Variants in KIF5A observed in about 807,000 individuals in gnomAD.
The protein encoded by KIF5A is kinesin family member 5A.
Under a neutral mutation model 141.3 loss-of-function variants are expected in KIF5A, and 35 were observed. The ratio of observed to expected loss-of-function variants is 0.25; its 90% CI spans 0.19 to 0.33. KIF5A has a LOEUF of 0.33. Ranked by LOEUF, KIF5A falls within the 10% of genes least tolerant of loss-of-function variation. KIF5A has a pLI of 1.00. For synonymous variants in KIF5A, 448 were observed against 500.2 expected (o/e 0.90, Z 1.39); for missense variants, 861 against 1,314.3 (o/e 0.66, Z 5.33).
chr12:57,561,441 G>T (rs368395675), intron 1 of KIF5A, among the ~76,000 whole-genome samples: 2 of 152,008 alleles, frequency 1.3e-5, no homozygotes, highest in Non-Finnish European at 2.9e-5. Flanking sequence ...CTCCAGAAAG[G>T]TTCTATCAGT....
chr12:57,570,445 C>A (rs1882215853), intron 12 of KIF5A, among the ~76,000 whole-genome samples: 1 of 152,114 alleles, frequency 6.6e-6, no homozygotes, highest in South Asian at 2.1e-4. Flanking sequence ...GTCGCCCAGG[C>A]TAGAGTGCAG....
chr12:57,571,991 C>T (rs1050171933), intron 13 of KIF5A, 70 bp from the exon 14 acceptor site: 8 of 1,385,130 alleles, frequency 5.8e-6, no homozygotes, highest in Admixed American at 1.9e-5. Flanking sequence ...GGCTCAGCTT[C>T]CCAGACCCAA....
chr12:57,578,553 C>T (rs1357248901), intron 23 of KIF5A, among the ~76,000 whole-genome samples: 1 of 152,212 alleles, frequency 6.6e-6, no homozygotes, highest in African/African-American at 2.4e-5. Flanking sequence ...CTCAAAGTTT[C>T]TAACCCACCT....
At chr12:57,576,521 G>A (rs1882431392) in intron 19 of KIF5A, 143 bp downstream of exon 19, 1 of 746,486 alleles carries the variant, frequency 1.3e-6, no homozygotes, top group Admixed American at 2.0e-5. Flanking sequence ...CCCCACCTCA[G>A]GAGACACATG....
Position 57,558,783 on chromosome 12 carries a change from T to C in KIF5A, c.130-4656T>C, listed in dbSNP as rs183510577. On this transcript the variant is annotated intron_variant, in intron 1 of 28. Coordinates refer to ENST00000455537, the MANE Select transcript of KIF5A (RefSeq NM_004984.4). The stretch of plus-strand genomic sequence containing the variant: ...TTTATCTCATTCTTTTTTGGTTTTG[T>C]TTTGTTTTTCAAGACAGGGTCTCAC... Among the ~76,000 whole-genome samples the C allele has an allele frequency of 6.6e-5, 10 of 152,342 alleles. No individual in the cohort carries two copies. In the East Asian group the frequency reaches 1.7e-3, roughly 26 times the overall value.
At chr12:57,562,909 T>C (rs2140158378) in intron 1 of KIF5A, among the ~76,000 whole-genome samples, 1 of 152,204 alleles carries the variant, frequency 6.6e-6, no homozygotes, top group East Asian at 1.9e-4. Flanking sequence ...TAAGATCCCC[T>C]AACACAATCT....
chr12:57,578,472 T>C, intron 23 of KIF5A, 130 bp downstream of exon 23: 1 of 709,252 alleles, frequency 1.4e-6, no homozygotes, highest in Admixed American at 2.0e-5. Context: ...TTACTTTCCC[T>C]ACTAATCCCT....
At chr12:57,566,019 A>G (rs1882053797) in intron 6 of KIF5A, among the ~76,000 whole-genome samples, 1 of 151,688 alleles carries the variant, frequency 6.6e-6, no homozygotes, top group African/African-American at 2.4e-5. Flanking sequence ...GAATTGCTTG[A>G]GCTCAAGAGT....
chr12:57,582,961 G>C (rs1882651704), intron 27 of KIF5A, 140 bp from the exon 28 acceptor site: 4 of 761,442 alleles, frequency 5.3e-6, no homozygotes, highest in Non-Finnish European at 9.1e-6. Context: ...CTCTGGCCTT[G>C]AGTTTCCCTG....
rs1263271069 is a variant in KIF5A, at chr12:57,581,577, C to T, written c.2909+9C>T. 1 of 1,613,836 alleles carries T rather than the reference C, an allele frequency of 6.2e-7. No individual in the cohort carries two copies. The highest frequency in any genetic ancestry group is 8.5e-7 in the Non-Finnish European group (1 of 1,180,002). On this transcript the variant is annotated intron_variant, in intron 25 of 28. Coordinates refer to ENST00000455537, the MANE Select transcript of KIF5A (RefSeq NM_004984.4). ...TCCACCTCAGATATGTAGTGAGTGA[C>T]CACACGTGTGGGTTGGAGTCCCACC...
chr12:57,567,381 C>A, intron 7 of KIF5A, 113 bp from the exon 8 acceptor site: 1 of 1,344,428 alleles, frequency 7.4e-7, no homozygotes, highest in Non-Finnish European at 1.0e-6. Flanking sequence ...CAGGGCTAGT[C>A]CTGGTGGGCA....
intron 1 of KIF5A, among the ~76,000 whole-genome samples, chr12:57,561,973 T>C (rs1488706662): frequency 1.3e-5 from 2 of 152,214 alleles, no homozygotes; most frequent in Non-Finnish European, 2.9e-5. Context: ...TACATTTCGA[T>C]TGGATAAAGA....
Position 57,581,448 on chromosome 12 carries a change from C to T in KIF5A, c.2789C>T (p.Ser930Phe). ...GTCCGGCCTGGCCACTACCCAGCAT[C>T]CTCACCCACCAACCCCTATGGCACC... is the stretch of plus-strand genomic sequence containing the variant. The part of the protein sequence containing the change: ...KPVRPGHYPA[S>F]SPTNPYGTRS... The change falls in exon 25 of 29, where the codon TCC (serine) becomes TTC (phenylalanine). Residue 930 changes from serine to phenylalanine, a missense_variant. Around this residue, in one of 5 missense-constraint regions of KIF5A, gnomAD observed 482 missense variants for 661.3 expected, o/e 0.73. Coordinates refer to ENST00000455537, the MANE Select transcript of KIF5A (RefSeq NM_004984.4). The T allele has an allele frequency of 1.9e-6, 3 of 1,614,070 alleles. No homozygotes were observed. The highest frequency in any genetic ancestry group is 2.2e-5 in the South Asian group (2 of 91,076).
intron 20 of KIF5A, 127 bp downstream of exon 20, chr12:57,576,989 G>C: frequency 5.7e-6 from 4 of 699,390 alleles, no homozygotes; most frequent in Non-Finnish European, 1.0e-5. Flanking sequence ...AAATATGATG[G>C]GGTAGGGACG....
Position 57,550,524 on chromosome 12 carries a change from T to G in KIF5A, c.129+124T>G. 9.0e-6 allele frequency: 9 copies of G among 1,000,352 alleles called. No individual in the cohort carries two copies. The highest frequency in any genetic ancestry group is 1.3e-5 in the Non-Finnish European group (9 of 677,908). The allele number at this position is 1,000,352 out of a possible 1,614,324, so 62.0% of individuals were successfully genotyped here. On this transcript the variant is annotated intron_variant, in intron 1 of 28. Transcript: ENST00000455537. The surrounding 1 kb of genome is among the most constrained non-coding windows in gnomAD (Gnocchi z 4.6). ...TCCCCGCCGCTCATCCTTCATCCTC[T>G]TCCCCGCAGCCCCTCCTCTCCCCTG...
At chr12:57,569,869 C>T in intron 11 of KIF5A, 118 bp from the exon 12 acceptor site, 1 of 1,405,772 alleles carries the variant, frequency 7.1e-7, no homozygotes, top group Non-Finnish European at 9.6e-7. Flanking sequence ...CCCATACTCC[C>T]AAAAGGTAGA....
chr12:57,561,317 T>C (rs1269716527), intron 1 of KIF5A, among the ~76,000 whole-genome samples: 1 of 152,124 alleles, frequency 6.6e-6, no homozygotes, highest in African/African-American at 2.4e-5. Context: ...TGGGATTACA[T>C]GCATGAGTCA....
chr12:57,567,935 T>A (rs923950003), intron 8 of KIF5A, among the ~76,000 whole-genome samples: 1 of 150,356 alleles, frequency 6.7e-6, no homozygotes, highest in African/African-American at 2.5e-5. Context: ...CAGGTTGGAG[T>A]GCAGTGGCAC....
chr12:57,581,411 G>A lies in KIF5A; in HGVS notation c.2756-4G>A, dbSNP rs186402616. 9.9e-6 allele frequency: 16 copies of A among 1,613,584 alleles called. No individual in the cohort carries two copies. Among genetic ancestry groups the A allele is most frequent in the Middle Eastern group, 1.6e-4 (1 of 6,062 alleles). Reference sequence around the variant, plus strand: ...CTCATGGTTGTTTTCTTTCTTTATTGCAGCCAAACCCGTCCGGCCTGGCCA... The same window carrying A: ...CTCATGGTTGTTTTCTTTCTTTATTACAGCCAAACCCGTCCGGCCTGGCCA... On this transcript the variant is annotated splice_polypyrimidine_tract_variant and splice_region_variant and intron_variant, in intron 24 of 28. Transcript: ENST00000455537.
Sources: allele counts gnomAD v4.1 joint callset (sites outside exome capture counted in the v4.1 genomes callset), GRCh38; gene constraint gnomAD v4.1.1; regional missense constraint gnomAD v4.1.1; non-coding constraint Gnocchi (gnomAD v3.1); transcripts MANE v1.5; gene names NCBI Gene and HGNC (gene_info 2026-07-23, HGNC 2026-07-21).